Variants in CENPK observed in about 807,000 individuals in gnomAD.
The protein encoded by CENPK is SoxLZ/Sox6-binding protein Solt.
In CENPK, 46 loss-of-function variants were observed where a neutral mutation model predicts 40.9. The ratio of observed to expected loss-of-function variants is 1.13; its 90% CI spans 0.89 to 1.44. CENPK has a LOEUF of 1.44. Among genes scored for constraint, CENPK ranks in the 40% most tolerant of loss-of-function variants. The probability of loss-of-function intolerance (pLI) is 0.00; values close to 1 mark genes in which losing one functional copy is unlikely to be tolerated. For synonymous variants in CENPK, 107 were observed against 104.4 expected (o/e 1.02, Z -0.15); for missense variants, 288 against 303.5 (o/e 0.95, Z 0.38).
At chr5:65,531,442 A>G (rs1299179720) in intron 6 of CENPK, among the ~76,000 whole-genome samples, 1 of 151,738 alleles carries the variant, frequency 6.6e-6, no homozygotes, top group Non-Finnish European at 1.5e-5. Flanking sequence ...ATTGACATGC[A>G]ACATCAAGAT....
rs535010192 is a variant in CENPK at position 65,540,385 on chromosome 5, C to CAATA, written c.288+2413_288+2416dup. On this transcript the variant is annotated intron_variant, in intron 6 of 10. Transcript: ENST00000396679. ...TAAGAATGATATTTACTCCACTGTG[C>CAATA]AATAACATTGTGATATTGTAAAATA... Among the ~76,000 whole-genome samples the CAATA allele has an allele frequency of 3.3e-5, 5 of 152,286 alleles. No individual in the cohort carries two copies. The South Asian group carries it at 1.0e-3, about 32-fold the overall frequency.
chr5:65,552,632 AAT>A (rs1750290643), intron 3 of CENPK, 83 bp from the exon 4 acceptor site: 3 of 701,434 alleles, frequency 4.3e-6, no homozygotes, highest in Non-Finnish European at 7.1e-6. Context: ...CTACCAGGCC[AAT>A]ATAACACTCT....
At chr5:65,544,502 G>A (rs185351948) in intron 5 of CENPK, among the ~76,000 whole-genome samples, 14 of 152,208 alleles carry the variant, frequency 9.2e-5, no homozygotes, top group African/African-American at 2.6e-4. Context: ...ACTTAAAATA[G>A]AACTATCATA....
chr5:65,556,353 T>C (rs1251249275), intron 2 of CENPK, among the ~76,000 whole-genome samples: 4 of 152,058 alleles, frequency 2.6e-5, no homozygotes, highest in African/African-American at 9.7e-5. Flanking sequence ...CCCAGTCCTG[T>C]AGCCCAAGCT....
intron 2 of CENPK, among the ~76,000 whole-genome samples, chr5:65,556,862 A>G (rs1012812702): frequency 4.6e-5 from 7 of 152,208 alleles, no homozygotes; most frequent in African/African-American, 1.7e-4. Context: ...ATGTTTAAAT[A>G]CAAAAATACC....
chr5:65,525,496 A>G (rs1744536941), intron 9 of CENPK, among the ~76,000 whole-genome samples: 1 of 152,210 alleles, frequency 6.6e-6, no homozygotes, highest in Admixed American at 6.5e-5. Context: ...CTCAAATGAC[A>G]TTCACCTAAC....
At chr5:65,529,358 C>T (rs1017021003) in intron 6 of CENPK, 159 bp from the exon 7 acceptor site, 11 of 520,722 alleles carry the variant, frequency 2.1e-5, no homozygotes, top group Middle Eastern at 1.0e-3. Context: ...ATACAGTAGG[C>T]GCTAAATTTG....
chr5:65,540,703 C>T (rs1747804964), intron 6 of CENPK, among the ~76,000 whole-genome samples: 1 of 152,040 alleles, frequency 6.6e-6, no homozygotes, highest in Non-Finnish European at 1.5e-5. Flanking sequence ...TGAACACAGG[C>T]AAGTTTCTGG....
At chr5:65,546,740 G>C (rs1749055786) in intron 5 of CENPK, among the ~76,000 whole-genome samples, 1 of 152,208 alleles carries the variant, frequency 6.6e-6, no homozygotes, top group Non-Finnish European at 1.5e-5. Flanking sequence ...ACCATGTGAA[G>C]ACACAGGAAG....
intron 9 of CENPK, among the ~76,000 whole-genome samples, chr5:65,525,886 C>T (rs1373184028): frequency 2.6e-5 from 4 of 152,104 alleles, no homozygotes; most frequent in Non-Finnish European, 5.9e-5. Flanking sequence ...ACAGTACCTT[C>T]CTTTCGTCTT....
intron 2 of CENPK, among the ~76,000 whole-genome samples, chr5:65,555,892 A>G (rs1483173361): frequency 6.6e-6 from 1 of 152,230 alleles, no homozygotes; most frequent in African/African-American, 2.4e-5. Flanking sequence ...TGATTAAGCA[A>G]TTAGATATAC....
rs763884377 is a variant in CENPK, at chr5:65,525,296, T to C, written c.597+3156A>G. ...AGGAGAATCACTTGAACCCAGGAGGTGGAGGTTATAGTGAGCTGAAATCTC... is the reference window on the plus strand; with the variant it reads ...AGGAGAATCACTTGAACCCAGGAGGCGGAGGTTATAGTGAGCTGAAATCTC... On this transcript the variant is annotated intron_variant, in intron 9 of 10. Transcript: ENST00000396679. Among the ~76,000 whole-genome samples, 256 of 151,476 alleles carry C rather than the reference T, an allele frequency of 1.7e-3. 2 individuals carry two copies. The highest frequency in any genetic ancestry group is 0.014 in the Middle Eastern group (4 of 294).
At chr5:65,538,006 T>C (rs1580993678) in intron 6 of CENPK, among the ~76,000 whole-genome samples, 1 of 152,220 alleles carries the variant, frequency 6.6e-6, no homozygotes, top group East Asian at 1.9e-4. Flanking sequence ...CTTTCTAAAA[T>C]AGTATACCAT....
intron 5 of CENPK, among the ~76,000 whole-genome samples, chr5:65,550,174 CAAAAAAA>C (rs56732964): frequency 1.8e-4 from 11 of 59,504 alleles, no homozygotes; most frequent in African/African-American, 4.9e-4. Context: ...GACTCCATCT[CAAAAAAA>C]AAAAAAAAAA....
chr5:65,545,324 GCACACACACA>G (rs869192025), intron 5 of CENPK, among the ~76,000 whole-genome samples: 7,574 of 64,256 alleles, frequency 0.12, 394 homozygotes, highest in African/African-American at 0.12. Context: ...CTCAAAGCGC[GCACACACACA>G]CACACACACA....
At chr5:65,531,086 G>A (rs1745708670) in intron 6 of CENPK, among the ~76,000 whole-genome samples, 3 of 151,962 alleles carry the variant, frequency 2.0e-5, no homozygotes, top group Admixed American at 2.0e-4. Context: ...GAGGCCAGGA[G>A]TTCAAGGCTG....
chr5:65,513,376 G>A (rs751078852), downstream of CENPK, among the ~76,000 whole-genome samples: 9 of 152,130 alleles, frequency 5.9e-5, no homozygotes, highest in Non-Finnish European at 1.3e-4. Context: ...CAATGAATCC[G>A]TAAAGTTAGG....
At chr5:65,510,203 C>T in the CENPK span, among the ~76,000 whole-genome samples, 4 of 152,030 alleles carry the variant, frequency 2.6e-5, no homozygotes. Flanking sequence ...GAGTCTGGCA[C>T]CAATAGTTAC....
At chr5:65,522,696 G>A (rs998117035) in intron 9 of CENPK, among the ~76,000 whole-genome samples, 2 of 152,166 alleles carry the variant, frequency 1.3e-5, no homozygotes, top group African/African-American at 4.8e-5. Context: ...CTCCTAAAGT[G>A]CGGGATTACA....
Sources: gnomAD v4.1 joint callset for allele counts (sites outside exome capture counted in the v4.1 genomes callset) on GRCh38, gnomAD v4.1.1 for gene constraint, MANE v1.5 for transcripts, NCBI Gene and HGNC (gene_info 2026-07-23, HGNC 2026-07-21) for gene names.